The following WDFY1 variants were observed in gnomAD, a reference collection of about 807,000 sequenced individuals.
WDFY1 encodes WD repeat and FYVE domain-containing protein 1.
A neutral mutation model predicts 56.4 loss-of-function variants in WDFY1; 32 were observed. The observed-to-expected ratio is 0.57, with a 90% CI of 0.43 to 0.76. The LOEUF (loss-of-function observed/expected upper bound fraction) is 0.76. Ranked by LOEUF, WDFY1 falls within the 30% of genes least tolerant of loss-of-function variation. The pLI is 0.00. For synonymous variants in WDFY1, 192 were observed against 197.3 expected, an observed-to-expected ratio of 0.97 and a Z score of 0.23; for missense variants, 480 against 545.7, an observed-to-expected ratio of 0.88 and a Z score of 1.20.
intron 6 of WDFY1, among the ~76,000 whole-genome samples, chr2:223,898,314 T>A (rs2106080604): frequency 6.6e-6 from 1 of 152,334 alleles, no homozygotes; most frequent in African/African-American, 2.4e-5. Flanking sequence ...CAAATTTTTT[T>A]AAAGTAATAA....
chr2:223,944,432 C>G (rs1481641341), intron 1 of WDFY1, among the ~76,000 whole-genome samples: 2 of 152,258 alleles, frequency 1.3e-5, no homozygotes, highest in African/African-American at 4.8e-5. Context: ...GTTGGAGGAG[C>G]GCGGTGGGCT....
rs1285415707 is a variant in WDFY1 at position 223,895,648 on chromosome 2, A to T, written c.599-18T>A. The T allele has an allele frequency of 1.2e-6, 2 of 1,611,864 alleles. No homozygotes were observed. The highest frequency in any genetic ancestry group is 2.2e-5 in the South Asian group (2 of 91,002). Reference sequence around the variant, plus strand: ...GACACTACCTAGGGATTTGTGAGAGAGAGAGAGAGAGGGAGGCAGGGGAGA... The same window carrying T: ...GACACTACCTAGGGATTTGTGAGAGTGAGAGAGAGAGGGAGGCAGGGGAGA... On this transcript the variant is annotated intron_variant, in intron 6 of 11. Transcript: ENST00000233055.
At chr2:223,919,339 T>C (rs1245907338) in intron 1 of WDFY1, among the ~76,000 whole-genome samples, 1 of 152,192 alleles carries the variant, frequency 6.6e-6, no homozygotes, top group African/African-American at 2.4e-5. Context: ...GCCTCTCAAG[T>C]AGCTGGGATT....
intron 2 of WDFY1, among the ~76,000 whole-genome samples, chr2:223,916,269 G>A (rs1321445182): frequency 2.0e-5 from 3 of 152,182 alleles, no homozygotes; most frequent in South Asian, 2.1e-4. Context: ...CATGCACAAT[G>A]AAATAGGTAT....
At chr2:223,932,543 C>A (rs1264402763) in intron 1 of WDFY1, among the ~76,000 whole-genome samples, 1 of 152,036 alleles carries the variant, frequency 6.6e-6, no homozygotes, top group African/African-American at 2.4e-5. Flanking sequence ...AACTGAATAT[C>A]TTTTTTAAAC....
chr2:223,899,141 T>G lies in WDFY1; in HGVS notation c.486-71A>C, dbSNP rs1052182389. The G allele has an allele frequency of 2.5e-6, 3 of 1,200,424 alleles. 1 individual carries two copies. In the East Asian group the frequency reaches 7.1e-5, roughly 28 times the overall value. The allele number at this position is 1,200,424 out of a possible 1,614,324, so 74.4% of individuals were successfully genotyped here. On this transcript the variant is annotated intron_variant, in intron 5 of 11. Transcript: ENST00000233055. ...TCCTCTCATAAGAGAGATACCAGCA[T>G]TAGTCAAAGTTAGTTTTCAAAGTTA...
Position 223,933,884 on chromosome 2 carries a change from C to T in WDFY1, c.137+11264G>A, listed in dbSNP as rs548993776. On this transcript the variant is annotated intron_variant, in intron 1 of 11. Transcript: ENST00000233055. The stretch of plus-strand genomic sequence containing the variant: ...GGCTGAGGTGGAAGGATCGTTTGAG[C>T]CCAGGAGGTGGAGGCTACAGTGAGC... Among the ~76,000 whole-genome samples, 3 of 135,460 alleles carry T rather than the reference C, an allele frequency of 2.2e-5. No individual in the cohort carries two copies. In the South Asian group the frequency reaches 7.6e-4, roughly 34 times the overall value. The allele number at this position is 135,460 out of a possible 152,430, so 88.9% of individuals were successfully genotyped here.
At chr2:223,936,892 TCTGAATTAGCCTGTC>T (rs1364998297) in intron 1 of WDFY1, among the ~76,000 whole-genome samples, 2 of 152,212 alleles carry the variant, frequency 1.3e-5, no homozygotes, top group African/African-American at 4.8e-5. Context: ...CTTAATTCAA[TCTGAATTAGCCTGTC>T]CTGTGACTCC....
rs543928275 is a variant in WDFY1, at chr2:223,938,927, T to C, written c.137+6221A>G. Among the ~76,000 whole-genome samples the C allele has an allele frequency of 5.4e-5, 8 of 149,144 alleles. No homozygotes were observed. In the East Asian group the frequency reaches 1.6e-3, roughly 29 times the overall value. On this transcript the variant is annotated intron_variant, in intron 1 of 11. Coordinates refer to ENST00000233055, the MANE Select transcript of WDFY1 (RefSeq NM_020830.5). ...TGGAGTGCAGTGGCACGATCTCAGC[T>C]CACCTCAACCTCCGCCTACCGGGCT...
chr2:223,925,237 AAC>A (rs1574777309), intron 1 of WDFY1, among the ~76,000 whole-genome samples: 2 of 151,564 alleles, frequency 1.3e-5, no homozygotes, highest in Non-Finnish European at 2.9e-5. Context: ...AAAAAAGCAT[AAC>A]ACAGAGATTA....
At chr2:223,945,120 G>A (rs1453568159) in intron 1 of WDFY1, 28 bp downstream of exon 1, 3 of 1,564,874 alleles carry the variant, frequency 1.9e-6, no homozygotes, top group Admixed American at 3.6e-5. Flanking sequence ...GCGGAGTTCG[G>A]GCCGCCCCGG....
intron 1 of WDFY1, among the ~76,000 whole-genome samples, chr2:223,944,247 G>A (rs565397352): frequency 1.9e-3 from 293 of 152,348 alleles, no homozygotes; most frequent in Non-Finnish European, 2.1e-3. Flanking sequence ...CAAGCCCCGG[G>A]CACCAGGGTC....
rs751765980 is a variant in WDFY1 at position 223,945,329 on chromosome 2, A to T, written c.-45T>A. Reference sequence around the variant, plus strand: ...CGGCCTCCTCGGCAGGCAGCCCATCAGCTGACGCCTGGGCGGGCGGGGGAC... The same window carrying T: ...CGGCCTCCTCGGCAGGCAGCCCATCTGCTGACGCCTGGGCGGGCGGGGGAC... On this transcript the variant is annotated 5_prime_UTR_variant, in exon 1 of 12. Transcript: ENST00000233055. 5.9e-6 allele frequency: 9 copies of T among 1,517,320 alleles called. No individual in the cohort carries two copies. In the Middle Eastern group the frequency reaches 6.5e-4, roughly 110 times the overall value. 94.0% of individuals were successfully genotyped at this position (1,517,320 alleles called of 1,614,324 possible).
At chr2:223,889,439 G>A (rs992057741) in intron 8 of WDFY1, among the ~76,000 whole-genome samples, 4 of 152,250 alleles carry the variant, frequency 2.6e-5, no homozygotes, top group African/African-American at 9.6e-5. Flanking sequence ...ATCCCCATGT[G>A]TCATGGGAGG....
intron 3 of WDFY1, among the ~76,000 whole-genome samples, chr2:223,907,356 GCA>G (rs1368181003): frequency 6.6e-6 from 1 of 152,146 alleles, no homozygotes. Context: ...GGGGAAAAAA[GCA>G]CACAAAAGAA....
At chr2:223,881,122 G>C (rs1693063330) in intron 10 of WDFY1, among the ~76,000 whole-genome samples, 3 of 152,266 alleles carry the variant, frequency 2.0e-5, no homozygotes, top group African/African-American at 4.8e-5. Context: ...TCAGGGCAGA[G>C]TGGGGTATCA....
At chr2:223,894,189 C>T (rs625150) in intron 8 of WDFY1, 45 bp downstream of exon 8, 1,527,118 of 1,606,574 alleles carry the variant, frequency 0.95, 726,879 homozygotes, top group South Asian at 0.97. Flanking sequence ...AGCCAGGTTC[C>T]TGGGGGTCTC....
intron 1 of WDFY1, among the ~76,000 whole-genome samples, chr2:223,941,324 A>C (rs1343232745): frequency 6.6e-6 from 1 of 151,786 alleles, no homozygotes. Flanking sequence ...TCTAGCTCTC[A>C]GTCTTCTCTG....
chr2:223,887,439 G>A (rs556757751), intron 8 of WDFY1, among the ~76,000 whole-genome samples: 2 of 152,214 alleles, frequency 1.3e-5, no homozygotes, highest in Non-Finnish European at 2.9e-5. Context: ...GGCTTTAATG[G>A]AAACAGACTA....
Sources: gnomAD v4.1 joint callset for allele counts (sites outside exome capture counted in the v4.1 genomes callset) on GRCh38, gnomAD v4.1.1 for gene constraint, MANE v1.5 for transcripts, NCBI Gene and HGNC (gene_info 2026-07-23, HGNC 2026-07-21) for gene names.